Variants in PDE10A observed in about 807,000 individuals in gnomAD.
The protein encoded by PDE10A is cAMP and cAMP-inhibited cGMP 3',5'-cyclic phosphodiesterase 10A.
A neutral mutation model predicts 97.7 loss-of-function variants in PDE10A; 39 were observed. The observed-to-expected ratio is 0.40, with a 90% CI of 0.31 to 0.52. The LOEUF (loss-of-function observed/expected upper bound fraction) is 0.52, where lower values mean the gene tolerates loss of function less well. Ranked by LOEUF, PDE10A falls within the 20% of genes least tolerant of loss-of-function variation. The pLI, the probability that PDE10A is intolerant of heterozygous loss-of-function variation, is 0.56. For missense variants in PDE10A, 731 were observed against 1,047.8 expected (o/e 0.70, Z 4.17); for synonymous variants, 371 against 376.8 (o/e 0.98, Z 0.18).
At chr6:165,656,935 A>G (rs1049575216) in intron 1 of PDE10A, among the ~76,000 whole-genome samples, 52 of 152,248 alleles carry the variant, frequency 3.4e-4, no homozygotes, top group African/African-American at 1.2e-3. Flanking sequence ...TCCTGAGTCC[A>G]CAGAACAGAG....
chr6:165,805,878 A>G lies in PDE10A; in HGVS notation c.-615+181651T>C, dbSNP rs536957097. 9.9e-5 allele frequency among the ~76,000 whole-genome samples: 15 copies of G among 151,108 alleles called. No homozygotes were observed. The South Asian group carries it at 2.9e-3, about 30-fold the overall frequency. The stretch of plus-strand genomic sequence containing the variant: ...CTGGCCCCGTTCCTGGGAACCCCAC[A>G]GAGTGCACACGACGCCATCTCCCCG... On this transcript the variant is annotated intron_variant, in intron 1 of 19. Coordinates refer to the PDE10A transcript ENST00000366882.
chr6:165,620,877 T>C (rs1788094940), intron 1 of PDE10A, among the ~76,000 whole-genome samples: 1 of 151,984 alleles, frequency 6.6e-6, no homozygotes, highest in African/African-American at 2.4e-5. Flanking sequence ...TAAAGTTAGC[T>C]GGGTATGATA....
chr6:165,489,563 T>C (rs917825842), intron 2 of PDE10A, among the ~76,000 whole-genome samples: 2 of 152,142 alleles, frequency 1.3e-5, no homozygotes, highest in Non-Finnish European at 2.9e-5. Flanking sequence ...CAAAAGATCA[T>C]ACTAGCTCAC....
intron 2 of PDE10A, among the ~76,000 whole-genome samples, chr6:165,496,857 C>T (rs1172059775): frequency 6.6e-6 from 1 of 152,092 alleles, no homozygotes; most frequent in Non-Finnish European, 1.5e-5. Context: ...ATACAGTTTC[C>T]AAAATCAGTT....
chr6:165,452,621 C>T (rs1045824690), intron 3 of PDE10A, among the ~76,000 whole-genome samples: 2 of 152,086 alleles, frequency 1.3e-5, no homozygotes, highest in Non-Finnish European at 2.9e-5. Flanking sequence ...AATGAAGGCC[C>T]CTCATCCCAG....
At chr6:165,517,782 A>G (rs1393543265) in intron 2 of PDE10A, among the ~76,000 whole-genome samples, 7 of 152,236 alleles carry the variant, frequency 4.6e-5, no homozygotes, top group African/African-American at 1.7e-4. Context: ...TGCTGAGGTC[A>G]GTGGTGGTTA....
intron 1 of PDE10A, among the ~76,000 whole-genome samples, chr6:165,694,169 A>G (rs559881772): frequency 3.3e-5 from 5 of 152,350 alleles, no homozygotes; most frequent in African/African-American, 9.6e-5. Flanking sequence ...GTGCACACGT[A>G]TATCTCATCA....
chr6:165,961,234 A>G (rs1038519094), intron 1 of PDE10A, among the ~76,000 whole-genome samples: 4 of 152,146 alleles, frequency 2.6e-5, no homozygotes, highest in Non-Finnish European at 5.9e-5. Context: ...TTCAGTCCCA[A>G]AAAACAAATA....
chr6:165,627,533 G>A (rs996950677), intron 1 of PDE10A, among the ~76,000 whole-genome samples: 62 of 152,228 alleles, frequency 4.1e-4, no homozygotes, highest in African/African-American at 1.4e-3. Context: ...GATGGAGCAC[G>A]ACACAGACAC....
At chr6:165,371,239 C>T (rs1286899647) in intron 18 of PDE10A, among the ~76,000 whole-genome samples, 1 of 151,626 alleles carries the variant, frequency 6.6e-6, no homozygotes, top group East Asian at 1.9e-4. Flanking sequence ...CAGAGCAGAA[C>T]TGAAGGAAAT....
chr6:165,755,162 G>T (rs1052208449), intron 1 of PDE10A, among the ~76,000 whole-genome samples: 1 of 152,166 alleles, frequency 6.6e-6, no homozygotes, highest in African/African-American at 2.4e-5. Flanking sequence ...GCACCTAGCA[G>T]CCCCAGGATG....
intron 1 of PDE10A, among the ~76,000 whole-genome samples, chr6:165,950,928 A>G (rs1783936124): frequency 6.6e-6 from 1 of 152,212 alleles, no homozygotes; most frequent in South Asian, 2.1e-4. Context: ...AATAAAGAAC[A>G]TGTGTCCTCT....
intron 1 of PDE10A, among the ~76,000 whole-genome samples, chr6:165,720,924 GC>G (rs1208162741): frequency 6.6e-6 from 1 of 152,214 alleles, no homozygotes; most frequent in African/African-American, 2.4e-5. Flanking sequence ...CATTGATCGT[GC>G]CCAAGAGGGA....
intron 1 of PDE10A, among the ~76,000 whole-genome samples, chr6:165,917,900 G>A (rs1782651891): frequency 6.6e-6 from 1 of 152,164 alleles, no homozygotes; most frequent in Non-Finnish European, 1.5e-5. Flanking sequence ...CCCGAGTGCA[G>A]GGCCCAGACC....
At chr6:165,706,618 T>C (rs994056408) in intron 1 of PDE10A, among the ~76,000 whole-genome samples, 2 of 152,228 alleles carry the variant, frequency 1.3e-5, no homozygotes, top group South Asian at 2.1e-4. Context: ...ATCTTCACAG[T>C]CTGTGACTAA....
chr6:165,340,868 C>T (rs1362935054), intron 19 of PDE10A, among the ~76,000 whole-genome samples: 1 of 152,150 alleles, frequency 6.6e-6, no homozygotes, highest in Non-Finnish European at 1.5e-5. Flanking sequence ...TGATTTTGGT[C>T]TGTATTACAA....
At chr6:165,645,945 C>T (rs1789375400) in intron 1 of PDE10A, among the ~76,000 whole-genome samples, 2 of 152,018 alleles carry the variant, frequency 1.3e-5, no homozygotes, top group African/African-American at 2.4e-5. Context: ...TTCACATATT[C>T]CTCCACTTGA....
intron 1 of PDE10A, among the ~76,000 whole-genome samples, chr6:165,907,194 G>C (rs113890395): frequency 2.0e-5 from 3 of 152,240 alleles, no homozygotes; most frequent in African/African-American, 7.2e-5. Flanking sequence ...AAGGCACAAG[G>C]CTCCATCGCC....
intron 1 of PDE10A, among the ~76,000 whole-genome samples, chr6:165,709,743 C>T (rs1247782176): frequency 7.2e-6 from 1 of 139,154 alleles, no homozygotes; most frequent in Non-Finnish European, 1.5e-5. Context: ...TGCTGCCAGG[C>T]TCTCCCTCTG....
Sources: allele counts gnomAD v4.1 joint callset (sites outside exome capture counted in the v4.1 genomes callset), GRCh38; gene constraint gnomAD v4.1.1; transcripts MANE v1.5; gene names NCBI Gene and HGNC (gene_info 2026-07-23, HGNC 2026-07-21).